DCLRE1C: variants seen among roughly 807,000 people sequenced by gnomAD.
DCLRE1C encodes protein artemis.
Under a neutral mutation model 61.4 loss-of-function variants are expected in DCLRE1C, and 47 were observed. The ratio of observed to expected loss-of-function variants is 0.77; its 90% CI spans 0.61 to 0.98. DCLRE1C has a LOEUF of 0.98. DCLRE1C is among the 50% of genes least tolerant of loss of function. The pLI is 0.00. For missense variants in DCLRE1C, 858 were observed against 816.0 expected (o/e 1.05, Z -0.63); for synonymous variants, 337 against 287.6 (o/e 1.17, Z -1.74).
chr10:14,939,759 CATTTT>C, intron 4 of DCLRE1C, 46 bp downstream of exon 4: 1 of 1,454,620 alleles, frequency 6.9e-7, no homozygotes, highest in Non-Finnish European at 9.6e-7. Context: ...TATAAACAAT[CATTTT>C]AGCACCACAT....
chr10:14,922,065 G>C (rs1406882680), intron 12 of DCLRE1C, among the ~76,000 whole-genome samples: 2 of 152,230 alleles, frequency 1.3e-5, no homozygotes, highest in Non-Finnish European at 2.9e-5. Flanking sequence ...CTCTCCGTGA[G>C]ACTGGAGCTC....
intron 10 of DCLRE1C, among the ~76,000 whole-genome samples, chr10:14,927,722 A>AG (rs1838261225): frequency 6.6e-6 from 1 of 152,120 alleles, no homozygotes; most frequent in South Asian, 2.1e-4. Context: ...TGCTCCACCA[A>AG]GGGTTCTGTT....
chr10:14,932,992 A>C (rs1291113905), intron 8 of DCLRE1C, 37 bp from the exon 9 acceptor site: 4 of 1,602,980 alleles, frequency 2.5e-6, no homozygotes, highest in Admixed American at 1.7e-5. Flanking sequence ...ATTATGTGAA[A>C]TGTATTTCCT....
At chr10:14,924,952 C>A (rs1469093520) in intron 11 of DCLRE1C, among the ~76,000 whole-genome samples, 1 of 151,838 alleles carries the variant, frequency 6.6e-6, no homozygotes, top group Non-Finnish European at 1.5e-5. Context: ...AATGGACAGA[C>A]TAGAACCCAA....
chr10:14,909,425 A>C (rs1834875018), intron 13 of DCLRE1C, 95 bp from the exon 14 acceptor site: 1 of 1,099,962 alleles, frequency 9.1e-7, no homozygotes, highest in African/African-American at 1.6e-5. Flanking sequence ...ATTGCAAAGA[A>C]TAGGGAGGCC....
intron 13 of DCLRE1C, among the ~76,000 whole-genome samples, chr10:14,918,049 A>G (rs983306728): frequency 1.3e-5 from 2 of 152,224 alleles, no homozygotes; most frequent in Non-Finnish European, 2.9e-5. Context: ...CTGAACTCTC[A>G]TACACTTCTC....
At position 14,908,678 on chromosome 10, in the gene DCLRE1C, A is replaced by G. The variant is rs1834725809; in HGVS notation, c.1809T>C (p.Ser603=). The change falls in exon 14 of 14, where the codon TCT becomes TCC. Residue 603 remains serine, a synonymous_variant. Coordinates refer to ENST00000378278, the MANE Select transcript of DCLRE1C (RefSeq NM_001033855.3). ...CATCTTTATCTCTGCTTTTCAAATC[A>G]GAGTAAGTATCCTTTGGGCAAATTA... ...QNVICPKDTY[S]DLKSRDKDVT... The G allele has an allele frequency of 6.2e-7, 1 of 1,614,232 alleles. No homozygotes were observed. Among genetic ancestry groups the G allele is most frequent in the African/African-American group, 1.3e-5 (1 of 75,074 alleles).
At chr10:14,920,873 T>C (rs1836985790) in intron 12 of DCLRE1C, among the ~76,000 whole-genome samples, 1 of 151,286 alleles carries the variant, frequency 6.6e-6, no homozygotes, top group African/African-American at 2.4e-5. Context: ...TCACAACTAC[T>C]CACAAGGCTT....
chr10:14,919,585 A>G (rs986507008), intron 13 of DCLRE1C, among the ~76,000 whole-genome samples, 153 bp downstream of exon 13: 1 of 152,226 alleles, frequency 6.6e-6, no homozygotes, highest in African/African-American at 2.4e-5. Flanking sequence ...GAAGACAGGA[A>G]GGCAAAGTAC....
At chr10:14,899,409 G>GT (rs1179094992) in intron 13 of DCLRE1C, 30 of 965,892 alleles carry the variant, frequency 3.1e-5, no homozygotes, top group Admixed American at 2.8e-4. Flanking sequence ...TTGTGTGAAT[G>GT]TTTGCTTTGA....
At chr10:14,935,134 G>A (rs1839691144) in intron 6 of DCLRE1C, among the ~76,000 whole-genome samples, 1 of 151,060 alleles carries the variant, frequency 6.6e-6, no homozygotes, top group Non-Finnish European at 1.5e-5. Context: ...GATTACACCC[G>A]GCCAGAGCAA....
chr10:14,952,940 G>A (rs904610059), intron 1 of DCLRE1C, among the ~76,000 whole-genome samples: 1 of 152,186 alleles, frequency 6.6e-6, no homozygotes, highest in Non-Finnish European at 1.5e-5. Context: ...TGTGAGGAAA[G>A]GCTGTGTTTG....
chr10:14,914,521 C>G (rs1029004915), intron 13 of DCLRE1C, among the ~76,000 whole-genome samples: 1 of 152,192 alleles, frequency 6.6e-6, no homozygotes, highest in East Asian at 1.9e-4. Flanking sequence ...GCCTAGTTGA[C>G]ATTTATAGAA....
Position 14,899,270 on chromosome 10 carries a change from T to TG in DCLRE1C, c.1198dup (p.His400ProfsTer2). ...AGGAGTTAAAGGATACAGGGAGTCA[T>TG]GATGGCACCACCGCATTCTAGCCTG... On this transcript the variant is annotated frameshift_variant, in exon 14 of 14. Transcript: ENST00000378289. LOFTEE classifies it high-confidence loss of function. 1.4e-6 allele frequency: 1 copy of TG among 702,222 alleles called. No individual in the cohort carries two copies. Among genetic ancestry groups the TG allele is most frequent in the South Asian group, 1.5e-5 (1 of 67,578 alleles). The allele number at this position is 702,222 out of a possible 1,614,324, so 43.5% of individuals were successfully genotyped here.
chr10:14,940,294 T>A (rs906378871), intron 3 of DCLRE1C, among the ~76,000 whole-genome samples: 11 of 151,240 alleles, frequency 7.3e-5, no homozygotes, highest in African/African-American at 2.0e-4. Flanking sequence ...TCTTTTATTT[T>A]TTTTTTTTTT....
At chr10:14,924,816 C>T (rs1837690053) in intron 11 of DCLRE1C, among the ~76,000 whole-genome samples, 1 of 151,784 alleles carries the variant, frequency 6.6e-6, no homozygotes, top group Non-Finnish European at 1.5e-5. Flanking sequence ...CACTGCACTC[C>T]AGCCTGGGCA....
chr10:14,945,500 C>A, intron 2 of DCLRE1C: 3 of 1,149,226 alleles, frequency 2.6e-6, no homozygotes, highest in Non-Finnish European at 3.2e-6. Context: ...GTCCCTGGAC[C>A]TCCTCCAACA....
intron 9 of DCLRE1C, among the ~76,000 whole-genome samples, chr10:14,932,642 A>C (rs1211108299): frequency 6.6e-6 from 1 of 152,182 alleles, no homozygotes; most frequent in African/African-American, 2.4e-5. Flanking sequence ...TCTCAAAAAA[A>C]AAAAGTACAG....
chr10:14,953,016 T>C (rs2131222876), intron 1 of DCLRE1C, among the ~76,000 whole-genome samples: 1 of 152,334 alleles, frequency 6.6e-6, no homozygotes, highest in Non-Finnish European at 1.5e-5. Flanking sequence ...GTTACGCTGA[T>C]TGACTCCACA....
Sources: gnomAD v4.1 joint callset for allele counts (sites outside exome capture counted in the v4.1 genomes callset) on GRCh38, gnomAD v4.1.1 for gene constraint, MANE v1.5 for transcripts, NCBI Gene and HGNC (gene_info 2026-07-23, HGNC 2026-07-21) for gene names.